EIF4G1: variants seen among roughly 807,000 people sequenced by gnomAD.
EIF4G1 encodes eukaryotic translation initiation factor 4 gamma 1, also known as EIF4-gamma.
A neutral mutation model predicts 187.8 loss-of-function variants in EIF4G1; 4 were observed. That is an observed-to-expected ratio of 0.02 (90% CI 0.01 to 0.05). The LOEUF (loss-of-function observed/expected upper bound fraction) is 0.05. Among genes scored for constraint, EIF4G1 ranks in the 10% least tolerant of loss-of-function variants. The pLI is 1.00. For missense variants in EIF4G1, 1,647 were observed against 2,081.1 expected, an observed-to-expected ratio of 0.79 and a Z score of 4.06; for synonymous variants, 844 against 781.4, an observed-to-expected ratio of 1.08 and a Z score of -1.34.
intron 32 of EIF4G1, among the ~76,000 whole-genome samples, chr3:184,333,283 A>G (rs1357672981): frequency 6.6e-6 from 1 of 152,172 alleles, no homozygotes; most frequent in Non-Finnish European, 1.5e-5. Flanking sequence ...GTGGTCCTTG[A>G]GTAAGGGAAT....
At chr3:184,320,862 G>A in intron 8 of EIF4G1, 65 bp from the exon 9 acceptor site, 1 of 1,608,900 alleles carries the variant, frequency 6.2e-7, no homozygotes, top group Non-Finnish European at 8.5e-7. Context: ...AAGTAGAAAT[G>A]GCTCTAGTAA....
chr3:184,331,627 G>A (rs1388437245), intron 30 of EIF4G1, 21 bp downstream of exon 30: 12 of 649,566 alleles, frequency 1.8e-5, no homozygotes, highest in Middle Eastern at 2.9e-4. Context: ...CCTGGATATC[G>A]ATAAAGGAAA....
chr3:184,320,442 G>A (rs1374625848), intron 7 of EIF4G1, 188 bp from the exon 8 acceptor site: 24 of 1,498,980 alleles, frequency 1.6e-5, no homozygotes, highest in African/African-American at 4.2e-5. Flanking sequence ...TCTCTTAAGG[G>A]TGGGAGCTGG....
In EIF4G1 at chr3:184,322,939, C is replaced by T. The variant is rs140739672; in HGVS notation, c.1914C>T (p.Asp638=). The T allele has an allele frequency of 1.2e-5, 19 of 1,614,016 alleles. No homozygotes were observed. The African/African-American group carries it at 2.1e-4, about 18-fold the overall frequency. The part of the protein sequence containing the change: ...QKPEGLPHIS[D]VVLDKANKTP... ...CAGAGGGATTGCCACATATCAGTGA[C>T]GTGGTGCTGGACAAGGTTAGTGGCT... The change falls in exon 13 of 33, where the codon GAC becomes GAT. Residue 638 remains aspartate (D), a synonymous_variant. Transcript: ENST00000346169.
Position 184,324,327 on chromosome 3 carries a change from G to A in EIF4G1, c.2599G>A (p.Glu867Lys). 6.2e-7 allele frequency: 1 copy of A among 1,614,212 alleles called. No individual in the cohort carries two copies. Among genetic ancestry groups the A allele is most frequent in the Non-Finnish European group, 8.5e-7 (1 of 1,180,038 alleles). Residue 867 changes from glutamate to lysine, a missense_variant, in exon 17 of 33, where the codon GAG becomes AAG. Transcript: ENST00000346169. ...TGAGGTTTTTGAGAAGAAGCAAAAA[G>A]AGATGGATGAAGCTGCTACGGTGAG... is the stretch of plus-strand genomic sequence containing the variant. ...DDEVFEKKQK[E>K]MDEAATAEER...
rs1723898371 is a variant in EIF4G1, at chr3:184,321,491, A to G, written c.907A>G (p.Ile303Val). ...IQMSVEESTP[I>V]SRETGEPYRL... ...AATGTCTGTAGAAGAATCAACCCCC[A>G]TCTCCCGTGAAACTGGGGAGCCATA... The change falls in exon 10 of 33, where the codon ATC (isoleucine) becomes GTC (valine). Residue 303 changes from isoleucine to valine, a missense_variant. Coordinates refer to ENST00000346169, the MANE Select transcript of EIF4G1 (RefSeq NM_198241.3). The G allele has an allele frequency of 1.9e-6, 3 of 1,614,152 alleles. No homozygotes were observed. Among genetic ancestry groups the G allele is most frequent in the Non-Finnish European group, 1.7e-6 (2 of 1,180,034 alleles).
intron 1 of EIF4G1, 59 bp from the exon 2 acceptor site, chr3:184,315,430 G>A (rs1177248487): frequency 3.6e-6 from 2 of 555,956 alleles, no homozygotes; most frequent in Admixed American, 1.9e-5. Context: ...TGGAATTTCC[G>A]GTCTGGTTGG....
rs904010765 is a variant in EIF4G1 at position 184,325,809 on chromosome 3, G to C, written c.3122-42G>C. Reference sequence around the variant, plus strand: ...GTGGCCCAAGGGGAAGGGGCTGCTAGGATTTATTCATTATTCCAGTATGCC... The same window carrying C: ...GTGGCCCAAGGGGAAGGGGCTGCTACGATTTATTCATTATTCCAGTATGCC... On this transcript the variant is annotated intron_variant, in intron 20 of 32. Coordinates refer to ENST00000346169, the MANE Select transcript of EIF4G1 (RefSeq NM_198241.3). This position sits in a 1 kb window ranked among gnomAD's most constrained non-coding sequence, Gnocchi z 5.2. 1.2e-6 allele frequency: 2 copies of C among 1,613,886 alleles called. No individual in the cohort carries two copies. The highest frequency in any genetic ancestry group is 1.7e-4 in the Middle Eastern group (1 of 6,060).
At chr3:184,332,367 C>T (rs368862203) in intron 32 of EIF4G1, among the ~76,000 whole-genome samples, 5 of 152,202 alleles carry the variant, frequency 3.3e-5, no homozygotes, top group East Asian at 1.9e-4. Context: ...TTCCCAGTAC[C>T]GTGTGCCCCC....
chr3:184,326,137 A>AACACAC lies in EIF4G1; in HGVS notation c.3222+213_3222+218dup, dbSNP rs34901174. Reference sequence around the variant, plus strand: ...CATTAGTCTGGACCAGTGTTTGGCAAACACACACACACACACACACACACA... The same window carrying AACACAC: ...CATTAGTCTGGACCAGTGTTTGGCAAACACACACACACACACACACACACACACACA... On this transcript the variant is annotated intron_variant, in intron 21 of 32. Transcript: ENST00000346169. Among the ~76,000 whole-genome samples, 588 of 147,042 alleles carry AACACAC rather than the reference A, an allele frequency of 4.0e-3. 4 individuals carry two copies. The highest frequency in any genetic ancestry group is 0.013 in the African/African-American group (525 of 40,116).
chr3:184,320,534 G>A (rs546404271), intron 7 of EIF4G1, 96 bp from the exon 8 acceptor site: 19 of 1,604,630 alleles, frequency 1.2e-5, no homozygotes, highest in African/African-American at 1.1e-4. Context: ...CTTCCCGCTG[G>A]GGGGTGGGGA....
intron 17 of EIF4G1, 107 bp from the exon 18 acceptor site, chr3:184,324,771 C>T: frequency 1.6e-6 from 2 of 1,254,688 alleles, no homozygotes; most frequent in Non-Finnish European, 2.3e-6. Flanking sequence ...AGCCAGCCGG[C>T]CTCAGGACTG....
At position 184,320,735 on chromosome 3, in the gene EIF4G1, T is replaced by C; in HGVS notation, c.630+13T>C. 6.2e-7 allele frequency: 1 copy of C among 1,614,120 alleles called. No individual in the cohort carries two copies. Among genetic ancestry groups the C allele is most frequent in the Non-Finnish European group, 8.5e-7 (1 of 1,180,004 alleles). ...CACCCCTCCCCAGGTACTGTCTGCT[T>C]TTCGAGTGATACCCTGGCTGGGATG... On this transcript the variant is annotated intron_variant, in intron 8 of 32. Transcript: ENST00000346169.
chr3:184,324,433 A>T, intron 17 of EIF4G1, 86 bp downstream of exon 17: 1 of 1,593,382 alleles, frequency 6.3e-7, no homozygotes, highest in Admixed American at 1.7e-5. Flanking sequence ...TTTGGAATGG[A>T]GGTAGTGGTG....
intron 7 of EIF4G1, among the ~76,000 whole-genome samples, chr3:184,320,138 C>A (rs553080166): frequency 6.6e-6 from 1 of 151,802 alleles, no homozygotes; most frequent in Non-Finnish European, 1.5e-5. Context: ...CCTGCCCCCC[C>A]AGTCCTGGAA....
chr3:184,328,274 C>G, intron 26 of EIF4G1: 1 of 491,726 alleles, frequency 2.0e-6, no homozygotes, highest in Non-Finnish European at 3.7e-6. Context: ...GCACAGTAAT[C>G]CCAGCTACTC....
chr3:184,322,398 A>C lies in EIF4G1; in HGVS notation c.1556A>C (p.Lys519Thr). 2 of 1,614,204 alleles carry C rather than the reference A, an allele frequency of 1.2e-6. No homozygotes were observed. Among genetic ancestry groups the C allele is most frequent in the Non-Finnish European group, 1.7e-6 (2 of 1,180,036 alleles). Residue 519 changes from lysine (K) to threonine (T), a missense_variant, in exon 11 of 33, where the codon AAG becomes ACG. By Grantham distance (78) the Lys-to-Thr change is moderately conservative (BLOSUM62 -1). This residue lies in a region of EIF4G1 where 522 missense variants were observed against 485.2 expected (regional missense o/e 1.08). Coordinates refer to ENST00000346169, the MANE Select transcript of EIF4G1 (RefSeq NM_198241.3). ...VSVPKRRRKI[K>T]ELNKKEAVGD... Reference sequence around the variant, plus strand: ...GTGCCAAAGAGGAGACGGAAAATTAAGGAGCTAAATAAGAAGGAGGCTGTT... The same window carrying C: ...GTGCCAAAGAGGAGACGGAAAATTACGGAGCTAAATAAGAAGGAGGCTGTT...
In EIF4G1 at chr3:184,315,754, T is replaced by C. The variant is rs1433600359; in HGVS notation, c.-34-9T>C. On this transcript the variant is annotated splice_polypyrimidine_tract_variant and intron_variant, in intron 2 of 32. Coordinates refer to ENST00000346169, the MANE Select transcript of EIF4G1 (RefSeq NM_198241.3). ...CTTCCTCTTCCTGAGCGCCACTCTT[T>C]CCCAACAGGTGCTGGGGGGACCCTG... The C allele has an allele frequency of 2.6e-6, 4 of 1,549,090 alleles. No homozygotes were observed. The highest frequency in any genetic ancestry group is 1.4e-5 in the African/African-American group (1 of 73,066).
In EIF4G1 at chr3:184,320,606, CATCTT is replaced by C. The variant is rs1723733019; in HGVS notation, c.538-21_538-17del. The C allele has an allele frequency of 1.9e-6, 3 of 1,614,026 alleles. No homozygotes were observed. Among genetic ancestry groups the C allele is most frequent in the Non-Finnish European group, 2.5e-6 (3 of 1,179,972 alleles). On this transcript the variant is annotated intron_variant, in intron 7 of 32. Transcript: ENST00000346169. ...AGGTGGGCTCTTCCTGCTTCCCACT[CATCTT>C]ATAGCTTTCTTTCCCCAGATCCGAA...
Sources: allele counts gnomAD v4.1 joint callset (sites outside exome capture counted in the v4.1 genomes callset), GRCh38; gene constraint gnomAD v4.1.1; regional missense constraint gnomAD v4.1.1; non-coding constraint Gnocchi (gnomAD v3.1); transcripts MANE v1.5; gene names NCBI Gene and HGNC (gene_info 2026-07-23, HGNC 2026-07-21).